The following RGS11 variants were observed in gnomAD, a reference collection of about 807,000 sequenced individuals.
RGS11 encodes regulator of G-protein signaling 11.
In RGS11, 86 loss-of-function variants were observed where a neutral mutation model predicts 71.1. That is an observed-to-expected ratio of 1.21 (90% CI 1.02 to 1.45). The LOEUF (loss-of-function observed/expected upper bound fraction) is 1.45, where lower values mean the gene tolerates loss of function less well. RGS11 is among the 40% of genes most tolerant of loss of function. The pLI is 0.00. For missense variants in RGS11, 734 were observed against 635.1 expected (o/e 1.16, Z -1.67); for synonymous variants, 298 against 254.2 (o/e 1.17, Z -1.64).
chr16:274,291 C>T (rs2052069784), intron 4 of RGS11, 26 bp from the exon 5 acceptor site: 1 of 1,601,824 alleles, frequency 6.2e-7, no homozygotes, highest in African/African-American at 1.3e-5. Context: ...GAGAAGGTGT[C>T]CAGGACGCCT....
At position 271,193 on chromosome 16, in the gene RGS11, T is replaced by C. The variant is rs1172060142; in HGVS notation, c.863+9A>G. 2 of 1,611,292 alleles carry C rather than the reference T, an allele frequency of 1.2e-6. No homozygotes were observed. The highest frequency in any genetic ancestry group is 2.7e-5 in the African/African-American group (2 of 74,890). On this transcript the variant is annotated intron_variant, in intron 12 of 16. Coordinates refer to ENST00000397770, the MANE Select transcript of RGS11 (RefSeq NM_183337.3). ...ACACCCGCAGTCCCGCTGCCCCGCC[T>C]GGGCTCACGTGGGGGCATTCATGAC...
chr16:272,667 G>A (rs2051990638), intron 9 of RGS11, 196 bp downstream of exon 9: 4 of 1,463,354 alleles, frequency 2.7e-6, no homozygotes, highest in Non-Finnish European at 3.6e-6. Flanking sequence ...GCAGGTGGGA[G>A]GGGAGAGAAA....
intron 9 of RGS11, chr16:272,273 G>C: frequency 8.0e-7 from 1 of 1,244,010 alleles, no homozygotes; most frequent in Non-Finnish European, 1.0e-6. Flanking sequence ...GAGCGGAGGA[G>C]GCGGACGCGC....
rs2051896505 is a variant in RGS11 at position 270,834 on chromosome 16, G to C, written c.980-3C>G. ...CTCCCAGAAGCTGAGGTTTTCTCCTGGGGGGCCGGGCACCCAGTCAAGGAT... is the reference window on the plus strand; with the variant it reads ...CTCCCAGAAGCTGAGGTTTTCTCCTCGGGGGCCGGGCACCCAGTCAAGGAT... On this transcript the variant is annotated splice_region_variant and splice_polypyrimidine_tract_variant and intron_variant, in intron 13 of 16. Coordinates refer to ENST00000397770, the MANE Select transcript of RGS11 (RefSeq NM_183337.3). 6.2e-7 allele frequency: 1 copy of C among 1,609,392 alleles called. No homozygotes were observed. The highest frequency in any genetic ancestry group is 8.5e-7 in the Non-Finnish European group (1 of 1,178,520).
At position 273,656 on chromosome 16, in the gene RGS11, T is replaced by C. The variant is rs546089943; in HGVS notation, c.507-100A>G. On this transcript the variant is annotated intron_variant, in intron 7 of 16. Coordinates refer to ENST00000397770, the MANE Select transcript of RGS11 (RefSeq NM_183337.3). ...CTGGGCAGGCAGCCACACCCAGGGGTGCCCTCCACGGTCCCAGGGCCACCG... is the reference window on the plus strand; with the variant it reads ...CTGGGCAGGCAGCCACACCCAGGGGCGCCCTCCACGGTCCCAGGGCCACCG... 3.5e-5 allele frequency: 53 copies of C among 1,498,672 alleles called. 2 individuals are homozygous for C. In the South Asian group the frequency reaches 6.0e-4, roughly 17 times the overall value. 92.8% of individuals were successfully genotyped at this position (1,498,672 alleles called of 1,614,324 possible).
At chr16:272,543 C>T (rs923466872) in intron 9 of RGS11, 1 of 1,427,128 alleles carries the variant, frequency 7.0e-7, no homozygotes, top group East Asian at 3.2e-5. Context: ...GGCCGTAACC[C>T]TGCTTGTCAC....
Position 275,672 on chromosome 16 carries a change from C to T in RGS11, c.64-174G>A. 6.7e-6 allele frequency: 3 copies of T among 448,518 alleles called. No individual in the cohort carries two copies. In the South Asian group the frequency reaches 7.9e-5, roughly 12 times the overall value. The allele number at this position is 448,518 out of a possible 1,614,324, so 27.8% of individuals were successfully genotyped here. On this transcript the variant is annotated intron_variant, in intron 1 of 16. Coordinates refer to ENST00000397770, the MANE Select transcript of RGS11 (RefSeq NM_183337.3). Reference sequence around the variant, plus strand: ...CGGGCCGGGGAGGGCCGGGGAGGGCCGGGGAGACCCCGGAGACCCCCAAGG... The same window carrying T: ...CGGGCCGGGGAGGGCCGGGGAGGGCTGGGGAGACCCCGGAGACCCCCAAGG...
chr16:269,938 C>T (rs887288612), intron 15 of RGS11: 4 of 232,336 alleles, frequency 1.7e-5, no homozygotes, highest in African/African-American at 9.2e-5. Context: ...ACAAGGTAGG[C>T]CACGCATGGT....
Position 274,277 on chromosome 16 carries a change from C to T in RGS11, c.319-12G>A, listed in dbSNP as rs766517889. ...CAGAAGTACGGGGTCTGGCGTGGTG[C>T]AGGGAGAAGGTGTCCAGGACGCCTG... On this transcript the variant is annotated splice_polypyrimidine_tract_variant and intron_variant, in intron 4 of 16. Coordinates refer to ENST00000397770, the MANE Select transcript of RGS11 (RefSeq NM_183337.3). 2 of 1,607,426 alleles carry T rather than the reference C, an allele frequency of 1.2e-6. No homozygotes were observed. Among genetic ancestry groups the T allele is most frequent in the South Asian group, 1.1e-5 (1 of 89,898 alleles).
At chr16:275,766 C>T (rs1285262058) in intron 1 of RGS11, 83 bp downstream of exon 1, 3 of 270,458 alleles carry the variant, frequency 1.1e-5, no homozygotes, top group Non-Finnish European at 1.4e-5. Context: ...CCCGCGCGCC[C>T]CCGTGTCCCC....
At position 271,204 on chromosome 16, in the gene RGS11, G is replaced by A. The variant is rs376188476; in HGVS notation, c.861C>T (p.Pro287=). Reference sequence around the variant, plus strand: ...CCCGCTGCCCCGCCTGGGCTCACGTGGGGGCATTCATGACCCAGTAGGCGT... The same window carrying A: ...CCCGCTGCCCCGCCTGGGCTCACGTAGGGGCATTCATGACCCAGTAGGCGT... ...DNDAYWVMNA[P]TVAAPTKLRV... The change falls in exon 12 of 17, where the codon CCC becomes CCT. Residue 287 remains proline, a splice_region_variant and synonymous_variant. Transcript: ENST00000397770. 60 of 1,612,150 alleles carry A rather than the reference G, an allele frequency of 3.7e-5. No individual in the cohort carries two copies. The African/African-American group carries it at 6.9e-4, about 19-fold the overall frequency.
In RGS11 at chr16:271,749, G is replaced by T. The variant is rs1054587799; in HGVS notation, c.658-180C>A. The T allele has an allele frequency of 1.3e-5, 8 of 625,798 alleles. No homozygotes were observed. In the African/African-American group the frequency reaches 1.5e-4, roughly 11 times the overall value. The allele number at this position is 625,798 out of a possible 1,614,324, so 38.8% of individuals were successfully genotyped here. A position where few individuals can be genotyped will look rare whatever the true frequency, so the allele number is the denominator to read the frequency against. ...CTTCCAATCAGGGATCTTTCGAGGA[G>T]ACCTCTGGGGGCCTAAGGTCTGGCG... On this transcript the variant is annotated intron_variant, in intron 9 of 16. Transcript: ENST00000397770.
intron 9 of RGS11, chr16:272,639 T>A: frequency 1.5e-4 from 198 of 1,351,868 alleles, no homozygotes; most frequent in East Asian, 4.1e-4. Flanking sequence ...ACCACTCCAC[T>A]TACCTGCACC....
rs1220513706 is a variant in RGS11 at position 270,517 on chromosome 16, A to T, written c.1206+6T>A. 1 of 1,600,090 alleles carries T rather than the reference A, an allele frequency of 6.2e-7. No homozygotes were observed. The highest frequency in any genetic ancestry group is 8.5e-7 in the Non-Finnish European group (1 of 1,173,212). On this transcript the variant is annotated splice_donor_region_variant and intron_variant, in intron 15 of 16. Transcript: ENST00000397770. Reference sequence around the variant, plus strand: ...TCCTGCCCCTGCAGGCTGGCCCAGCACCCACCTTCTTCATGAGCATGTATA... The same window carrying T: ...TCCTGCCCCTGCAGGCTGGCCCAGCTCCCACCTTCTTCATGAGCATGTATA...
chr16:273,267 C>T (rs541651853), intron 8 of RGS11, among the ~76,000 whole-genome samples: 2 of 152,302 alleles, frequency 1.3e-5, no homozygotes, highest in East Asian at 3.9e-4. Flanking sequence ...GAGAAGCTGG[C>T]TTGTCCTGTG....
At position 274,217 on chromosome 16, in the gene RGS11, A is replaced by G; in HGVS notation, c.367T>C (p.Tyr123His). ...STLRPAAELD[Y>H]AIYLAKKNIR... ...GGCCAGCCGTCCCCTTGCTCACCAT[A>G]GTCCAGCTCTGCAGCCGGCCTCAGG... The change falls in exon 5 of 17, where the codon TAT becomes CAT. Residue 123 changes from tyrosine to histidine, a missense_variant. Coordinates refer to ENST00000397770, the MANE Select transcript of RGS11 (RefSeq NM_183337.3). The G allele has an allele frequency of 1.2e-6, 2 of 1,610,236 alleles. No homozygotes were observed. Among genetic ancestry groups the G allele is most frequent in the Non-Finnish European group, 8.5e-7 (1 of 1,178,598 alleles).
At position 270,739 on chromosome 16, in the gene RGS11, C is replaced by T. The variant is rs777466726; in HGVS notation, c.1067+5G>A. 3.7e-6 allele frequency: 6 copies of T among 1,612,158 alleles called. No individual in the cohort carries two copies. In the South Asian group the frequency reaches 5.5e-5, roughly 15 times the overall value. Reference sequence around the variant, plus strand: ...GCCAACCGGTGCCCACCACGCAGCACTTACTCGTACACGGCATCCACCAGG... The same window carrying T: ...GCCAACCGGTGCCCACCACGCAGCATTTACTCGTACACGGCATCCACCAGG... On this transcript the variant is annotated splice_donor_5th_base_variant and intron_variant, in intron 14 of 16. Transcript: ENST00000397770.
At chr16:269,861 G>A (rs1305912350) in intron 15 of RGS11, 1 of 395,438 alleles carries the variant, frequency 2.5e-6, no homozygotes, top group African/African-American at 2.1e-5. Context: ...TCAGCCATTA[G>A]CGGGAACCAG....
At position 269,013 on chromosome 16, in the gene RGS11, G is replaced by C. The variant is rs895399447; in HGVS notation, c.*256C>G. ...GGTCTCACCTCTCTTCAGGTAACAG[G>C]CTCTGCCCTGACCCAAGCTGAGCCA... On this transcript the variant is annotated 3_prime_UTR_variant, in exon 17 of 17. Coordinates refer to ENST00000397770, the MANE Select transcript of RGS11 (RefSeq NM_183337.3). 2.1e-6 allele frequency: 3 copies of C among 1,404,220 alleles called. No homozygotes were observed. The Admixed American group carries it at 5.9e-5, about 28-fold the overall frequency. 87.0% of individuals were successfully genotyped at this position (1,404,220 alleles called of 1,614,324 possible). A position where few individuals can be genotyped will look rare whatever the true frequency, so the allele number is the denominator to read the frequency against.
Sources: gnomAD v4.1 joint callset for allele counts (sites outside exome capture counted in the v4.1 genomes callset) on GRCh38, gnomAD v4.1.1 for gene constraint, MANE v1.5 for transcripts, NCBI Gene and HGNC (gene_info 2026-07-23, HGNC 2026-07-21) for gene names.